TOX4: variants seen among roughly 807,000 people sequenced by gnomAD.
The protein encoded by TOX4 is epidermal Langerhans cell protein LCP1.
TOX4 carries 12 observed loss-of-function variants against 61.0 expected under a neutral mutation model. The observed-to-expected ratio is 0.20, with a 90% CI of 0.13 to 0.32. The LOEUF (loss-of-function observed/expected upper bound fraction) is 0.32, where lower values mean the gene tolerates loss of function less well. Ranked by LOEUF, TOX4 falls within the 10% of genes least tolerant of loss-of-function variation. TOX4 has a pLI of 1.00. For missense variants in TOX4, 499 were observed against 753.3 expected, an observed-to-expected ratio of 0.66 and a Z score of 3.95; for synonymous variants, 268 against 274.8, an observed-to-expected ratio of 0.98 and a Z score of 0.24.
intron 2 of TOX4, 33 bp downstream of exon 2, chr14:21,477,597 G>T: frequency 6.2e-7 from 1 of 1,611,656 alleles, no homozygotes. Context: ...GCGGGGGTAG[G>T]GCCTGAGGCA....
At chr14:21,494,946 T>C (rs1891369847) in intron 7 of TOX4, among the ~76,000 whole-genome samples, 2 of 151,094 alleles carry the variant, frequency 1.3e-5, no homozygotes, top group Admixed American at 1.3e-4. Context: ...ACTACCTCTC[T>C]ATTCCCACTG....
chr14:21,488,887 TAGTC>T, intron 4 of TOX4, 37 bp downstream of exon 4: 1 of 1,605,386 alleles, frequency 6.2e-7, no homozygotes, highest in Non-Finnish European at 8.5e-7. Flanking sequence ...TCTGCTGTGA[TAGTC>T]TGGGATAAAA....
At chr14:21,477,473 C>T (rs540878834) in intron 1 of TOX4, 23 bp from the exon 2 acceptor site, 5 of 1,612,988 alleles carry the variant, frequency 3.1e-6, no homozygotes, top group South Asian at 1.1e-5. Flanking sequence ...AACTTATCCC[C>T]GCGACTTTCT....
At chr14:21,478,783 GC>G (rs1490352249) in intron 2 of TOX4, among the ~76,000 whole-genome samples, 8 of 152,118 alleles carry the variant, frequency 5.3e-5, no homozygotes, top group Middle Eastern at 3.4e-3. Flanking sequence ...GTTGACAAGG[GC>G]CAGTTGCTAG....
chr14:21,496,748 C>A lies in TOX4; in HGVS notation c.*142C>A. The A allele has an allele frequency of 1.5e-6, 1 of 679,916 alleles. No homozygotes were observed. Among genetic ancestry groups the A allele is most frequent in the Non-Finnish European group, 2.5e-6 (1 of 398,726 alleles). 42.1% of individuals were successfully genotyped at this position (679,916 alleles called of 1,614,324 possible). A position where few individuals can be genotyped will look rare whatever the true frequency, so the allele number is the denominator to read the frequency against. On this transcript the variant is annotated 3_prime_UTR_variant, in exon 9 of 9. Coordinates refer to ENST00000448790, the MANE Select transcript of TOX4 (RefSeq NM_014828.4). ...TCATGTTTCACCCCTTTTCTTCCTT[C>A]AGCAGAGGCCAGGCTATGGAGCAGG...
Position 21,495,283 on chromosome 14 carries a change from C to T in TOX4, c.1696C>T (p.Leu566Phe). ...VELVSGSPVA[L>F]SPQPRCVRSG... ...ATTGGTGAGTGGGTCTCCTGTGGCA[C>T]TCTCACCCCAGCCTCGATGTGTGAG... The change falls in exon 8 of 9, where the codon CTC (leucine) becomes TTC (phenylalanine). Residue 566 changes from leucine (L) to phenylalanine (F), a missense_variant. Physicochemically the swap from Leu to Phe is conservative, Grantham distance 22 (BLOSUM62 0). Around this residue, in one of 7 missense-constraint regions of TOX4, gnomAD observed 296 missense variants for 404.7 expected, o/e 0.73. Transcript: ENST00000448790. 1 of 1,614,166 alleles carries T rather than the reference C, an allele frequency of 6.2e-7. No individual in the cohort carries two copies. The highest frequency in any genetic ancestry group is 1.1e-5 in the South Asian group (1 of 91,074).
chr14:21,496,359 C>G, intron 8 of TOX4, 187 bp from the exon 9 acceptor site: 1 of 509,646 alleles, frequency 2.0e-6, no homozygotes, highest in South Asian at 2.1e-5. Flanking sequence ...AACCCTGTCC[C>G]CACTAAAAAT....
chr14:21,486,873 TTTG>T (rs1891199056), intron 2 of TOX4, among the ~76,000 whole-genome samples: 2 of 152,236 alleles, frequency 1.3e-5, no homozygotes, highest in African/African-American at 4.8e-5. Flanking sequence ...GGAATCTTTA[TTTG>T]TTGTTAACAT....
At chr14:21,479,299 A>G (rs1480382518) in intron 2 of TOX4, among the ~76,000 whole-genome samples, 2 of 149,614 alleles carry the variant, frequency 1.3e-5, no homozygotes, top group Non-Finnish European at 3.0e-5. Context: ...GTTCTAGACC[A>G]GCTTGGGCAA....
chr14:21,478,088 C>T (rs1246622529), intron 2 of TOX4, among the ~76,000 whole-genome samples: 5 of 152,332 alleles, frequency 3.3e-5, no homozygotes, highest in Admixed American at 2.6e-4. Flanking sequence ...AGGCGTGCGC[C>T]ACCACGCTCG....
rs28415160 is a variant in TOX4, at chr14:21,479,619, G to C, written c.75+2055G>C. ...GCCGAGATTGCGCCATTGTACTCCA[G>C]CCTAGGTGAACGAGTGAGACTCCAT... is the stretch of plus-strand genomic sequence containing the variant. On this transcript the variant is annotated intron_variant, in intron 2 of 8. Transcript: ENST00000448790. Among the ~76,000 whole-genome samples, 408 of 152,312 alleles carry C rather than the reference G, an allele frequency of 2.7e-3. 5 individuals are homozygous for C. The highest frequency in any genetic ancestry group is 9.3e-3 in the African/African-American group (387 of 41,560).
Position 21,496,587 on chromosome 14 carries a change from C to T in TOX4, c.1847C>T (p.Thr616Ile). 12 of 1,612,404 alleles carry T rather than the reference C, an allele frequency of 7.4e-6. No individual in the cohort carries two copies. Among genetic ancestry groups the T allele is most frequent in the Non-Finnish European group, 9.3e-6 (11 of 1,179,596 alleles). Residue 616 changes from threonine to isoleucine, a missense_variant, in exon 9 of 9, where the codon ACA becomes ATA. Physicochemically the swap from Thr to Ile is moderately conservative, Grantham distance 89. Coordinates refer to ENST00000448790, the MANE Select transcript of TOX4 (RefSeq NM_014828.4). The part of the protein sequence containing the change: ...LAWVASRNSN[T>I]VVFVK ...TGGGTAGCCTCTAGAAATTCAAACA[C>T]AGTGGTGTTTGTGAAATAGTCCTTC...
Position 21,477,290 on chromosome 14 carries a change from A to C in TOX4, c.6+6A>C, listed in dbSNP as rs1566476713. 1 of 1,613,996 alleles carries C rather than the reference A, an allele frequency of 6.2e-7. No homozygotes were observed. The highest frequency in any genetic ancestry group is 8.5e-7 in the Non-Finnish European group (1 of 1,179,944). ...GCGGTTGTGTGAAGATGGAGGTAGG[A>C]ACCTGATAGCTAAGAAGGCTGGCGA... On this transcript the variant is annotated splice_donor_region_variant and intron_variant, in intron 1 of 8. Coordinates refer to ENST00000448790, the MANE Select transcript of TOX4 (RefSeq NM_014828.4).
chr14:21,492,343 A>G lies in TOX4; in HGVS notation c.858A>G (p.Ala286=). 2 of 1,614,050 alleles carry G rather than the reference A, an allele frequency of 1.2e-6. No homozygotes were observed. The highest frequency in any genetic ancestry group is 1.7e-6 in the Non-Finnish European group (2 of 1,180,000). The change falls in exon 6 of 9, where the codon GCA becomes GCG. Residue 286 remains alanine (A), a synonymous_variant. Transcript: ENST00000448790. ...CTGCCAAGAAAGAGTATCTGAAGGCACTGGCTGCTTACAAAGACAACCAGG... is the reference window on the plus strand; with the variant it reads ...CTGCCAAGAAAGAGTATCTGAAGGCGCTGGCTGCTTACAAAGACAACCAGG... ...TEAAKKEYLK[A]LAAYKDNQEC...
intron 5 of TOX4, among the ~76,000 whole-genome samples, chr14:21,489,665 G>A (rs761159066): frequency 1.1e-4 from 16 of 151,758 alleles, no homozygotes; most frequent in South Asian, 2.1e-4. Flanking sequence ...TGCAAGCTCC[G>A]CCTCCTGGGT....
At chr14:21,493,510 C>T (rs1036886791) in intron 7 of TOX4, among the ~76,000 whole-genome samples, 17 of 151,800 alleles carry the variant, frequency 1.1e-4, no homozygotes, top group African/African-American at 3.4e-4. Flanking sequence ...GGTGCGATCT[C>T]GGCTCACTGC....
chr14:21,496,803 C>G lies in TOX4; in HGVS notation c.*197C>G, dbSNP rs1367907462. The G allele has an allele frequency of 1.8e-5, 10 of 551,770 alleles. No homozygotes were observed. In the East Asian group the frequency reaches 2.2e-4, roughly 12 times the overall value. 34.2% of individuals were successfully genotyped at this position (551,770 alleles called of 1,614,324 possible). ...CTGAATTTGCTGTAATCTGGAGATG[C>G]TTTTTACTTTCAACCATAAGCGGTA... On this transcript the variant is annotated 3_prime_UTR_variant, in exon 9 of 9. Transcript: ENST00000448790.
At chr14:21,489,104 G>A in intron 4 of TOX4, 69 bp from the exon 5 acceptor site, 3 of 1,502,362 alleles carry the variant, frequency 2.0e-6, no homozygotes, top group Non-Finnish European at 2.7e-6. Flanking sequence ...TTCCATACAT[G>A]TGGCTAGTTT....
Position 21,499,091 on chromosome 14 carries a change from TC to T in TOX4, c.*2486del. 2 of 1,614,182 alleles carry T rather than the reference TC, an allele frequency of 1.2e-6. No individual in the cohort carries two copies. The highest frequency in any genetic ancestry group is 1.7e-6 in the Non-Finnish European group (2 of 1,180,018). The stretch of plus-strand genomic sequence containing the variant: ...CTTGCGAGTGCCAGGAGATAGTCTT[TC>T]AATCATGCCATAGATTTCATCTGGT... On this transcript the variant is annotated 3_prime_UTR_variant, in exon 9 of 9. Transcript: ENST00000448790.
Sources: allele counts gnomAD v4.1 joint callset (sites outside exome capture counted in the v4.1 genomes callset), GRCh38; gene constraint gnomAD v4.1.1; regional missense constraint gnomAD v4.1.1; transcripts MANE v1.5; gene names NCBI Gene and HGNC (gene_info 2026-07-23, HGNC 2026-07-21).